HTR2C: variants seen among roughly 807,000 people sequenced by gnomAD.
HTR2C encodes 5-hydroxytryptamine (serotonin) receptor 2C, G protein-coupled.
A neutral mutation model predicts 21.0 loss-of-function variants in HTR2C; 5 were observed. That is an observed-to-expected ratio of 0.24 (90% CI 0.12 to 0.50). HTR2C has a LOEUF of 0.50. Ranked by LOEUF, HTR2C falls within the 20% of genes least tolerant of loss-of-function variation. The pLI is 0.98. For synonymous variants in HTR2C, 150 were observed against 145.3 expected, an observed-to-expected ratio of 1.03 and a Z score of -0.23; for missense variants, 271 against 371.2, an observed-to-expected ratio of 0.73 and a Z score of 2.22.
At chrX:114,691,092 G>T (rs2147860697) in intron 2 of HTR2C, among the ~76,000 whole-genome samples, 1 of 111,186 alleles carries the variant, frequency 9.0e-6, no homozygotes, top group African/African-American at 3.3e-5. Context: ...AGGTAAAAAT[G>T]ATTGAGTGTC....
intron 4 of HTR2C, among the ~76,000 whole-genome samples, chrX:114,806,833 CCACA>C (rs1556450176): frequency 1.0e-5 from 1 of 98,361 alleles, no homozygotes; most frequent in East Asian, 3.3e-4. Context: ...TATATATACA[CCACA>C]TATATACACC....
chrX:114,852,835 T>C (rs6644112), intron 5 of HTR2C, among the ~76,000 whole-genome samples: 2 of 107,904 alleles, frequency 1.9e-5, no homozygotes, highest in Admixed American at 9.9e-5. Flanking sequence ...TCTTGTGTGT[T>C]TGTGTGCGCG....
At chrX:114,786,160 A>G (rs1332073429) in intron 4 of HTR2C, among the ~76,000 whole-genome samples, 1 of 112,131 alleles carries the variant, frequency 8.9e-6, no homozygotes, top group East Asian at 2.8e-4. Context: ...AAAAATTAAA[A>G]GTGTGACAAT....
intron 5 of HTR2C, among the ~76,000 whole-genome samples, chrX:114,864,663 A>G (rs2071031423): frequency 1.8e-5 from 2 of 111,052 alleles, no homozygotes; most frequent in South Asian, 7.4e-4. Context: ...TGAGTTTTGT[A>G]CTTTCTTTCA....
At chrX:114,732,933 A>T (rs899165770) in intron 4 of HTR2C, among the ~76,000 whole-genome samples, 2 of 112,180 alleles carry the variant, frequency 1.8e-5, no homozygotes, top group African/African-American at 3.2e-5. Context: ...CAATACCACC[A>T]TTAAGTGTGG....
chrX:114,849,952 A>T (rs1045358804), intron 5 of HTR2C, among the ~76,000 whole-genome samples: 7 of 112,138 alleles, frequency 6.2e-5, no homozygotes, highest in African/African-American at 2.3e-4. Flanking sequence ...ACTTACAAAC[A>T]CTTCAGATAA....
intron 5 of HTR2C, among the ~76,000 whole-genome samples, chrX:114,904,724 A>G (rs909671983): frequency 9.0e-6 from 1 of 111,331 alleles, no homozygotes; most frequent in Non-Finnish European, 1.9e-5. Flanking sequence ...TAAAAATCTT[A>G]TATTAACTTT....
rs1042954382 is a variant in HTR2C at position 114,731,571 on chromosome X, C to A, written c.313C>A (p.Leu105Ile). 1 of 1,203,728 alleles carries A rather than the reference C, an allele frequency of 8.3e-7. No individual in the cohort carries two copies. The highest frequency in any genetic ancestry group is 2.2e-5 in the Admixed American group (1 of 45,796). Reference protein sequence around the residue: ...LAIADMLVGLLVMPLSLLAIL... With the variant: ...LAIADMLVGLIVMPLSLLAIL... ...CATTGCTGATATGCTAGTGGGACTA[C>A]TTGTCATGCCCCTGTCTCTCCTGGC... Residue 105 changes from leucine (L) to isoleucine (I), a missense_variant, in exon 4 of 6, where the codon CTT becomes ATT. This residue lies in a region of HTR2C where 16 missense variants were observed against 19.2 expected (regional missense o/e 0.83). Transcript: ENST00000276198.
chrX:114,794,455 C>T (rs1481218615), intron 4 of HTR2C, among the ~76,000 whole-genome samples: 1 of 106,950 alleles, frequency 9.4e-6, no homozygotes, highest in African/African-American at 3.4e-5. Context: ...ATACATGTGC[C>T]ATGTTGTTGT....
intron 4 of HTR2C, among the ~76,000 whole-genome samples, chrX:114,745,279 TC>T (rs1409150861): frequency 1.8e-5 from 2 of 112,335 alleles, no homozygotes; most frequent in Non-Finnish European, 3.8e-5. Flanking sequence ...ATGACTTGTG[TC>T]CAAAAGACAG....
chrX:114,617,741 A>G (rs970714559), intron 2 of HTR2C, among the ~76,000 whole-genome samples: 8 of 112,130 alleles, frequency 7.1e-5, no homozygotes, highest in African/African-American at 2.6e-4. Context: ...AAATTAAAAA[A>G]TAATTTATGA....
chrX:114,813,071 A>G (rs1258602105), intron 4 of HTR2C, among the ~76,000 whole-genome samples: 3 of 111,833 alleles, frequency 2.7e-5, no homozygotes, highest in Non-Finnish European at 5.6e-5. Context: ...ACTCATAAAA[A>G]TAGTCATGCC....
In HTR2C at chrX:114,606,439, C is replaced by T. The variant is rs781843376; in HGVS notation, c.-146-7376C>T. On this transcript the variant is annotated intron_variant, in intron 1 of 5. Coordinates refer to ENST00000276198, the MANE Select transcript of HTR2C (RefSeq NM_000868.4). ...TATAATCAGAGAGGCGTCCCTGCAA[C>T]GATTAAACACCAAGGGAAGGCTGCC... Among the ~76,000 whole-genome samples the T allele has an allele frequency of 9.0e-5, 10 of 111,598 alleles. No individual in the cohort carries two copies. In the South Asian group the frequency reaches 1.9e-3, roughly 21 times the overall value.
At chrX:114,855,746 CTTTTTTTTTTTTTTTTTTTT>C (rs782183285) in intron 5 of HTR2C, among the ~76,000 whole-genome samples, 5 of 17,915 alleles carry the variant, frequency 2.8e-4, no homozygotes, top group Admixed American at 1.0e-3. Context: ...AAGCAACCAT[CTTTTTTTTTTTTTTTTTTTT>C]TTTTTTTTTT....
intron 4 of HTR2C, among the ~76,000 whole-genome samples, chrX:114,825,651 G>A (rs962603250): frequency 9.9e-5 from 11 of 111,378 alleles, no homozygotes; most frequent in African/African-American, 3.3e-4. Flanking sequence ...ATGCTGTTCA[G>A]TTCTTTTACC....
intron 2 of HTR2C, among the ~76,000 whole-genome samples, chrX:114,623,621 A>G (rs782049700): frequency 8.9e-6 from 1 of 111,878 alleles, no homozygotes; most frequent in African/African-American, 3.2e-5. Flanking sequence ...GTTTATCTTC[A>G]GAAAACAATG....
At chrX:114,760,438 A>G (rs983038534) in intron 4 of HTR2C, among the ~76,000 whole-genome samples, 1 of 112,053 alleles carries the variant, frequency 8.9e-6, no homozygotes, top group Non-Finnish European at 1.9e-5. Flanking sequence ...TTATCATAAA[A>G]TATCTGCTAT....
chrX:114,644,190 A>G (rs1556406967), intron 2 of HTR2C, among the ~76,000 whole-genome samples: 2 of 104,512 alleles, frequency 1.9e-5, no homozygotes, highest in Admixed American at 1.1e-4. Flanking sequence ...TAAAAATACA[A>G]ACAAAATTAG....
chrX:114,746,358 TAATC>T (rs782382895), intron 4 of HTR2C, among the ~76,000 whole-genome samples: 47 of 111,274 alleles, frequency 4.2e-4, no homozygotes, highest in Non-Finnish European at 8.1e-4. Context: ...GATGCAAAAA[TAATC>T]AAGATATATT....
Sources: gnomAD v4.1 joint callset for allele counts (sites outside exome capture counted in the v4.1 genomes callset) on GRCh38, gnomAD v4.1.1 for gene constraint, gnomAD v4.1.1 regional missense constraint, MANE v1.5 for transcripts, NCBI Gene and HGNC (gene_info 2026-07-23, HGNC 2026-07-21) for gene names.